The following COL27A1 variants were observed in gnomAD, a reference collection of about 807,000 sequenced individuals.
COL27A1 encodes the protein collagen alpha-1(XXVII) chain.
COL27A1 carries 106 observed loss-of-function variants against 251.3 expected under a neutral mutation model. The ratio of observed to expected loss-of-function variants is 0.42; its 90% CI spans 0.36 to 0.50. The LOEUF is 0.50. Ranked by LOEUF, COL27A1 falls within the 20% of genes least tolerant of loss-of-function variation. The probability of loss-of-function intolerance (pLI) is 0.00; values close to 1 mark genes in which losing one functional copy is unlikely to be tolerated. For synonymous variants in COL27A1, 1,000 were observed against 986.3 expected (o/e 1.01, Z -0.26); for missense variants, 2,325 against 2,522.8 (o/e 0.92, Z 1.68).
chr9:114,310,491 A>G lies in COL27A1; in HGVS notation c.5437-58A>G. ...AGGAAAGATGGAAGGGAAAATGCTC[A>G]TGATGTATGATAAGAATCACGATGG... On this transcript the variant is annotated intron_variant, in intron 60 of 60. Transcript: ENST00000356083. 4 of 1,592,970 alleles carry G rather than the reference A, an allele frequency of 2.5e-6. 1 individual carries two copies. Among genetic ancestry groups the G allele is most frequent in the Non-Finnish European group, 1.7e-6 (2 of 1,161,286 alleles).
intron 4 of COL27A1, among the ~76,000 whole-genome samples, chr9:114,179,012 C>T (rs1827692342): frequency 6.6e-6 from 1 of 152,154 alleles, no homozygotes; most frequent in Non-Finnish European, 1.5e-5. Context: ...GGAACCCAGG[C>T]TCTTACCCAT....
At chr9:114,310,465 GA>G in intron 60 of COL27A1, 83 bp from the exon 61 acceptor site, 1 of 1,492,500 alleles carries the variant, frequency 6.7e-7, no homozygotes, top group Non-Finnish European at 9.3e-7. Flanking sequence ...TAAAAATTGT[GA>G]GGAAAGATGG....
At chr9:114,201,745 GT>G (rs149201182) in intron 7 of COL27A1, among the ~76,000 whole-genome samples, 4,600 of 152,238 alleles carry the variant, frequency 0.03, 222 homozygotes, top group African/African-American at 0.11. Flanking sequence ...TTACTCCAGG[GT>G]TTCATGACTG....
rs1047801533 is a variant in COL27A1 at position 114,243,568 on chromosome 9, G to T, written c.2934+8G>T. The T allele has an allele frequency of 6.2e-6, 10 of 1,611,240 alleles. No individual in the cohort carries two copies. In the African/African-American group the frequency reaches 1.3e-4, roughly 22 times the overall value. ...GGCCTGGATGGCGTGAAGGTGAGGG[G>T]ACCTGGAGATCCCTGGGGACAAGAG... On this transcript the variant is annotated splice_region_variant and intron_variant, in intron 23 of 60. Coordinates refer to ENST00000356083, the MANE Select transcript of COL27A1 (RefSeq NM_032888.4).
chr9:114,290,173 C>T lies in COL27A1; in HGVS notation c.4261-51C>T. On this transcript the variant is annotated intron_variant, in intron 46 of 60. Transcript: ENST00000356083. This position sits in a 1 kb window ranked among gnomAD's most constrained non-coding sequence, Gnocchi z 4.6. ...CTGCCCGCCCCCCACACCCGCCCTC[C>T]TCCCACTCCCTGCACCAAATGCCCT... The T allele has an allele frequency of 6.3e-7, 1 of 1,584,352 alleles. No homozygotes were observed. The highest frequency in any genetic ancestry group is 8.6e-7 in the Non-Finnish European group (1 of 1,161,766).
chr9:114,249,450 G>C (rs1329673181), intron 24 of COL27A1, among the ~76,000 whole-genome samples: 2 of 152,210 alleles, frequency 1.3e-5, no homozygotes, highest in African/African-American at 4.8e-5. Context: ...TCCGGGCCCT[G>C]TTCACAGCCA....
chr9:114,210,577 G>A (rs2135333805), intron 11 of COL27A1, among the ~76,000 whole-genome samples: 1 of 152,276 alleles, frequency 6.6e-6, no homozygotes, highest in South Asian at 2.1e-4. Flanking sequence ...TGGTGTGGGA[G>A]CTTCTCACAG....
At chr9:114,262,339 A>C (rs1834400965) in intron 28 of COL27A1, among the ~76,000 whole-genome samples, 1 of 152,210 alleles carries the variant, frequency 6.6e-6, no homozygotes, top group Admixed American at 6.5e-5. Flanking sequence ...CTAGCACCTG[A>C]GCCCCGTAAT....
chr9:114,245,457 C>T (rs985190284), intron 23 of COL27A1, among the ~76,000 whole-genome samples: 2 of 152,116 alleles, frequency 1.3e-5, no homozygotes, highest in African/African-American at 2.4e-5. Context: ...GCACCTGGCC[C>T]AGAATGTGCA....
chr9:114,300,007 G>T, intron 49 of COL27A1, 63 bp from the exon 50 acceptor site: 1 of 1,543,664 alleles, frequency 6.5e-7, no homozygotes, highest in South Asian at 1.1e-5. Flanking sequence ...GAGGTCCCAG[G>T]TGGCTGGCGG....
chr9:114,206,081 C>G (rs2049121264), intron 9 of COL27A1, among the ~76,000 whole-genome samples, 171 bp from the exon 10 acceptor site: 1 of 152,168 alleles, frequency 6.6e-6, no homozygotes, highest in Admixed American at 6.5e-5. Flanking sequence ...CCACCAGCCA[C>G]CTCCCTGGGA....
intron 10 of COL27A1, among the ~76,000 whole-genome samples, chr9:114,207,384 C>T (rs972234274): frequency 1.3e-5 from 2 of 152,160 alleles, no homozygotes; most frequent in African/African-American, 4.8e-5. Flanking sequence ...GGTGCTGTGC[C>T]TCTCTTCCTT....
Position 114,267,541 on chromosome 9 carries a change from G to A in COL27A1, c.3485G>A (p.Gly1162Glu), listed in dbSNP as rs1306864734. 3.1e-6 allele frequency: 5 copies of A among 1,591,126 alleles called. No individual in the cohort carries two copies. The East Asian group carries it at 9.3e-5, about 30-fold the overall frequency. The change falls in exon 34 of 61, where the codon GGG becomes GAG. Residue 1162 changes from glycine (G) to glutamate (E), a missense_variant. Physicochemically the swap from Gly to Glu is moderately conservative, Grantham distance 98. Coordinates refer to ENST00000356083, the MANE Select transcript of COL27A1 (RefSeq NM_032888.4). ...GCAGTGGGAGAACCGGGCCTTCCTG[G>A]GGAAGCCGGGATGAAGGTGAGGTGG... ...PGAVGEPGLPGEAGMKGDLGP... is the reference protein window; with the variant it reads ...PGAVGEPGLPEEAGMKGDLGP...
chr9:114,158,704 C>A (rs930291917), intron 1 of COL27A1, among the ~76,000 whole-genome samples: 2 of 152,200 alleles, frequency 1.3e-5, no homozygotes, highest in African/African-American at 4.8e-5. Context: ...GCAAAAGAAT[C>A]GGCAGGGCCT....
chr9:114,291,043 A>T (rs755903606), intron 48 of COL27A1, 126 bp downstream of exon 48: 1 of 626,774 alleles, frequency 1.6e-6, no homozygotes, highest in Non-Finnish European at 2.7e-6. Context: ...CACATTGTTG[A>T]CCTTTCTCCG....
chr9:114,155,838 C>A lies in COL27A1; in HGVS notation c.-113C>A. On this transcript the variant is annotated 5_prime_UTR_variant, in exon 1 of 61. Coordinates refer to ENST00000356083, the MANE Select transcript of COL27A1 (RefSeq NM_032888.4). This position sits in a 1 kb window ranked among gnomAD's most constrained non-coding sequence, Gnocchi z 5.5. ...TGGGCGCGGGGCTGCGCTGGGGGCG[C>A]GGGGGCCGCGCGCTCTAAGCCGGCC... 1.1e-6 allele frequency: 1 copy of A among 871,396 alleles called. No individual in the cohort carries two copies. Among genetic ancestry groups the A allele is most frequent in the Non-Finnish European group, 1.4e-6 (1 of 723,014 alleles). 54.0% of individuals were successfully genotyped at this position (871,396 alleles called of 1,614,324 possible). A position where few individuals can be genotyped will look rare whatever the true frequency, so the allele number is the denominator to read the frequency against.
At chr9:114,196,336 C>G (rs12555076) in intron 7 of COL27A1, among the ~76,000 whole-genome samples, 49 of 152,210 alleles carry the variant, frequency 3.2e-4, no homozygotes, top group Non-Finnish European at 1.3e-4. Context: ...ATGGAGTAAC[C>G]TGTGCTGGCC....
intron 13 of COL27A1, among the ~76,000 whole-genome samples, chr9:114,220,647 C>T (rs1831030131): frequency 6.6e-6 from 1 of 152,164 alleles, no homozygotes; most frequent in Non-Finnish European, 1.5e-5. Flanking sequence ...TTGGAAAAAT[C>T]CATTCACCTC....
At chr9:114,164,541 C>G (rs892355817) in intron 2 of COL27A1, among the ~76,000 whole-genome samples, 2 of 152,172 alleles carry the variant, frequency 1.3e-5, no homozygotes, top group African/African-American at 4.8e-5. Flanking sequence ...TTGTGACTCT[C>G]TTTGGGTGAG....
Sources: gnomAD v4.1 joint callset for allele counts (sites outside exome capture counted in the v4.1 genomes callset) on GRCh38, gnomAD v4.1.1 for gene constraint, Gnocchi (gnomAD v3.1) non-coding constraint, MANE v1.5 for transcripts, NCBI Gene and HGNC (gene_info 2026-07-23, HGNC 2026-07-21) for gene names.